The following MCM9 variants were observed in gnomAD, a reference collection of about 807,000 sequenced individuals.
MCM9 encodes DNA helicase MCM9.
MCM9 carries 55 observed loss-of-function variants against 72.8 expected under a neutral mutation model. The ratio of observed to expected loss-of-function variants is 0.76; its 90% CI spans 0.61 to 0.95. The LOEUF (loss-of-function observed/expected upper bound fraction) is 0.95, where lower values mean the gene tolerates loss of function less well. Ranked by LOEUF, MCM9 falls within the 40% of genes least tolerant of loss-of-function variation. The probability of loss-of-function intolerance (pLI) is 0.00; values close to 1 mark genes in which losing one functional copy is unlikely to be tolerated. For synonymous variants in MCM9, 480 were observed against 503.4 expected (o/e 0.95, Z 0.62); for missense variants, 1,279 against 1,377.0 (o/e 0.93, Z 1.13).
chr6:118,925,126 G>C (rs773245970), intron 3 of MCM9, among the ~76,000 whole-genome samples: 4 of 151,902 alleles, frequency 2.6e-5, no homozygotes, highest in Non-Finnish European at 5.9e-5. Flanking sequence ...AGGAGGGGAG[G>C]AGGAAAATCT....
At chr6:118,828,340 T>G (rs1477099378) in intron 10 of MCM9, among the ~76,000 whole-genome samples, 4 of 152,186 alleles carry the variant, frequency 2.6e-5, no homozygotes, top group Non-Finnish European at 4.4e-5. Context: ...TTAAAAATTA[T>G]TCAGAATAAT....
intron 9 of MCM9, among the ~76,000 whole-genome samples, chr6:118,846,103 T>C (rs1167896195): frequency 6.6e-6 from 1 of 151,728 alleles, no homozygotes; most frequent in Non-Finnish European, 1.5e-5. Flanking sequence ...TTAAATAATA[T>C]AAGAAAGAAT....
At chr6:118,904,144 T>C (rs2114540123) in intron 8 of MCM9, among the ~76,000 whole-genome samples, 2 of 152,278 alleles carry the variant, frequency 1.3e-5, no homozygotes, top group Admixed American at 1.3e-4. Flanking sequence ...AATGATAGGC[T>C]AGAGCTGGGG....
chr6:118,878,403 A>G (rs373565043), intron 8 of MCM9, among the ~76,000 whole-genome samples: 19 of 152,338 alleles, frequency 1.2e-4, no homozygotes, highest in East Asian at 9.6e-4. Flanking sequence ...AAAATGCACC[A>G]ATAAAGATAA....
At chr6:118,885,013 G>A (rs541611388) in intron 8 of MCM9, among the ~76,000 whole-genome samples, 431 of 152,156 alleles carry the variant, frequency 2.8e-3, no homozygotes, top group Non-Finnish European at 4.7e-3. Flanking sequence ...TGGCTAACAT[G>A]GTGAAACCCC....
chr6:118,931,355 T>C, intron 3 of MCM9, 65 bp downstream of exon 3: 2 of 1,286,174 alleles, frequency 1.6e-6, no homozygotes, highest in Non-Finnish European at 2.2e-6. Context: ...GTGTTCTAAA[T>C]CTAGTATATT....
At chr6:118,898,263 G>A (rs1170903987) in intron 8 of MCM9, among the ~76,000 whole-genome samples, 1 of 152,090 alleles carries the variant, frequency 6.6e-6, no homozygotes, top group East Asian at 1.9e-4. Flanking sequence ...TAGAACTAAT[G>A]CCCAGTATAT....
rs1029027987 is a variant in MCM9, at chr6:118,935,115, G to A, written c.-374C>T. 2.6e-5 allele frequency: 4 copies of A among 152,172 alleles called. No homozygotes were observed. Among genetic ancestry groups the A allele is most frequent in the African/African-American group, 9.6e-5 (4 of 41,458 alleles). 9.4% of individuals were successfully genotyped at this position (152,172 alleles called of 1,614,324 possible). On this transcript the variant is annotated 5_prime_UTR_variant, in exon 1 of 14. Transcript: ENST00000619706. ...GGCCTGCGCTCTCGACCGACGCCGG[G>A]CCGCGCACCGCCTCAACTTCCCTGC...
chr6:118,891,589 C>G (rs1405554601), intron 8 of MCM9, among the ~76,000 whole-genome samples: 1 of 152,086 alleles, frequency 6.6e-6, no homozygotes, highest in Non-Finnish European at 1.5e-5. Context: ...CTCTGTAAAT[C>G]TAAATTTCCC....
chr6:118,852,446 T>A (rs569329859), intron 9 of MCM9, among the ~76,000 whole-genome samples: 51 of 152,310 alleles, frequency 3.3e-4, no homozygotes, highest in African/African-American at 1.2e-3. Context: ...TCCTTCAAAT[T>A]ATTTCCTTTG....
At chr6:118,928,412 A>G (rs1782083336) in intron 3 of MCM9, among the ~76,000 whole-genome samples, 1 of 152,134 alleles carries the variant, frequency 6.6e-6, no homozygotes, top group Admixed American at 6.6e-5. Context: ...CTCCATCTCA[A>G]AAAAACAAAG....
chr6:118,893,845 CAAAAAAAAAA>C (rs750220069), intron 8 of MCM9, among the ~76,000 whole-genome samples: 2 of 56,740 alleles, frequency 3.5e-5, no homozygotes, highest in African/African-American at 8.1e-5. Context: ...ACCAAAAAAA[CAAAAAAAAAA>C]ACAAAAAAAC....
intron 8 of MCM9, 111 bp from the exon 9 acceptor site, chr6:118,856,656 A>G: frequency 8.5e-7 from 1 of 1,181,234 alleles, no homozygotes; most frequent in South Asian, 1.6e-5. Flanking sequence ...AGGTGAGAAG[A>G]TTTCTTGAAC....
rs138916071 is a variant in MCM9, at chr6:118,826,255, G to A, written c.1853C>T (p.Thr618Ile). The A allele has an allele frequency of 6.5e-7, 1 of 1,550,378 alleles. No homozygotes were observed. The highest frequency in any genetic ancestry group is 8.7e-7 in the Non-Finnish European group (1 of 1,146,964). ...ALLGGVNALH[T>I]SFPENPGEQY... Reference sequence around the variant, plus strand: ...CTCTCCAGGGTTTTCAGGAAAGGAAGTGTGGAGGGCATTCACACCTCCTAG... The same window carrying A: ...CTCTCCAGGGTTTTCAGGAAAGGAAATGTGGAGGGCATTCACACCTCCTAG... Residue 618 changes from threonine to isoleucine, a missense_variant, in exon 13 of 14, where the codon ACT (threonine) becomes ATT (isoleucine). Transcript: ENST00000619706.
At chr6:118,847,127 A>C (rs191905848) in intron 9 of MCM9, among the ~76,000 whole-genome samples, 1 of 152,030 alleles carries the variant, frequency 6.6e-6, no homozygotes. Context: ...TGAAGAAAGA[A>C]ATGGATGTAA....
chr6:118,913,535 T>C, intron 6 of MCM9, 115 bp from the exon 7 acceptor site: 3 of 1,304,498 alleles, frequency 2.3e-6, no homozygotes, highest in Non-Finnish European at 3.2e-6. Context: ...CTATGTGAAG[T>C]GATCAGGAGG....
chr6:118,883,697 G>GA (rs201334710), intron 8 of MCM9, among the ~76,000 whole-genome samples: 11,544 of 144,826 alleles, frequency 0.08, 678 homozygotes, highest in East Asian at 0.19. Context: ...AGTGCTGAAA[G>GA]AAAAAAAAAA....
intron 13 of MCM9, among the ~76,000 whole-genome samples, chr6:118,825,738 T>C (rs184734476): frequency 2.1e-3 from 319 of 152,344 alleles, no homozygotes; most frequent in Admixed American, 3.3e-3. Flanking sequence ...ATGTGACATG[T>C]TTCTTCCCAT....
At chr6:118,912,138 C>CA (rs1290024892) in intron 7 of MCM9, 1 of 157,788 alleles carries the variant, frequency 6.3e-6, no homozygotes. Context: ...GGCAAGACTC[C>CA]ATGTCTACAA....
Sources: allele counts gnomAD v4.1 joint callset (sites outside exome capture counted in the v4.1 genomes callset), GRCh38; gene constraint gnomAD v4.1.1; transcripts MANE v1.5; gene names NCBI Gene and HGNC (gene_info 2026-07-23, HGNC 2026-07-21).